The following DNAJC17 variants were observed in gnomAD, a reference collection of about 807,000 sequenced individuals.
DNAJC17 encodes the protein DnaJ heat shock protein family (Hsp40) member C17.
In DNAJC17, 35 loss-of-function variants were observed where a neutral mutation model predicts 48.1. The observed-to-expected ratio is 0.73, with a 90% CI of 0.56 to 0.96. DNAJC17 has a LOEUF of 0.96. DNAJC17 is among the 50% of genes least tolerant of loss of function. The probability of loss-of-function intolerance (pLI) is 0.00; values close to 1 mark genes in which losing one functional copy is unlikely to be tolerated. For missense variants in DNAJC17, 355 were observed against 377.1 expected (o/e 0.94, Z 0.48); for synonymous variants, 117 against 142.7 (o/e 0.82, Z 1.28).
At chr15:40,784,575 C>T (rs1490280345) in intron 1 of DNAJC17, among the ~76,000 whole-genome samples, 1 of 152,122 alleles carries the variant, frequency 6.6e-6, no homozygotes, top group African/African-American at 2.4e-5. Context: ...TACCCAAAAT[C>T]CATTCAATGA....
At chr15:40,774,481 G>T in intron 8 of DNAJC17, 45 bp from the exon 9 acceptor site, 2 of 1,606,426 alleles carry the variant, frequency 1.2e-6, no homozygotes, top group Non-Finnish European at 1.7e-6. Flanking sequence ...TGGCCTTCAG[G>T]ATGGCCCAGG....
chr15:40,771,555 G>A (rs1432921079), intron 10 of DNAJC17: 2 of 175,144 alleles, frequency 1.1e-5, no homozygotes, highest in African/African-American at 4.8e-5. Context: ...CAGGAAGAAA[G>A]GGGAGAAGGC....
At chr15:40,788,462 C>A (rs556920511) in intron 1 of DNAJC17, among the ~76,000 whole-genome samples, 55 of 152,182 alleles carry the variant, frequency 3.6e-4, no homozygotes, top group African/African-American at 1.3e-3. Flanking sequence ...TTTGGGAGGC[C>A]GAGGTGGGTG....
At chr15:40,794,247 G>A (rs1005555878) in intron 1 of DNAJC17, among the ~76,000 whole-genome samples, 7 of 152,122 alleles carry the variant, frequency 4.6e-5, no homozygotes, top group Admixed American at 2.0e-4. Context: ...CTACTCAGGA[G>A]GCTGAAGCAG....
intron 7 of DNAJC17, 56 bp from the exon 8 acceptor site, chr15:40,775,164 C>T (rs968354914): frequency 5.6e-5 from 89 of 1,579,808 alleles, no homozygotes; most frequent in Middle Eastern, 3.4e-4. Flanking sequence ...CCTCACCCCA[C>T]GACTGAGCTT....
chr15:40,775,707 G>C, intron 6 of DNAJC17, 111 bp from the exon 7 acceptor site: 1 of 1,081,234 alleles, frequency 9.2e-7, no homozygotes, highest in Middle Eastern at 2.3e-4. Flanking sequence ...TCCTGACCAA[G>C]GGCAATGCCT....
chr15:40,780,884 C>T (rs567976600), intron 1 of DNAJC17, among the ~76,000 whole-genome samples: 52 of 152,010 alleles, frequency 3.4e-4, no homozygotes, highest in Admixed American at 1.2e-3. Flanking sequence ...TGGTGGCTCA[C>T]GCCTGTAATC....
chr15:40,782,262 A>C (rs1023711169), intron 1 of DNAJC17, among the ~76,000 whole-genome samples: 6 of 151,746 alleles, frequency 4.0e-5, no homozygotes, highest in African/African-American at 9.7e-5. Flanking sequence ...AATTAAAATA[A>C]AATAAAAAAT....
chr15:40,776,203 C>T lies in DNAJC17; in HGVS notation c.471G>A (p.Arg157=), dbSNP rs779888515. The T allele has an allele frequency of 3.7e-6, 6 of 1,613,564 alleles. No individual in the cohort carries two copies. Among genetic ancestry groups the T allele is most frequent in the Non-Finnish European group, 5.1e-6 (6 of 1,180,004 alleles). ...GGGGTGATAGACCTGCACCTCTCAA[C>T]CTCTGGTCACGCTCCTGGCGTATCT... ...REQIRQERDQ[R]LRGKAENTEG... The change falls in exon 6 of 11, where the codon AGG becomes AGA. Residue 157 remains arginine, a synonymous_variant. Coordinates refer to ENST00000220496, the MANE Select transcript of DNAJC17 (RefSeq NM_018163.3).
chr15:40,783,482 C>A (rs867751242), intron 1 of DNAJC17, among the ~76,000 whole-genome samples: 1 of 152,196 alleles, frequency 6.6e-6, no homozygotes, highest in East Asian at 1.9e-4. Flanking sequence ...TCAAGATGAA[C>A]TTCCTCAGGA....
chr15:40,803,151 CA>C (rs59835838), intron 1 of DNAJC17, among the ~76,000 whole-genome samples: 2,784 of 138,832 alleles, frequency 0.02, 278 homozygotes, highest in Admixed American at 0.16. Flanking sequence ...AGAATAAATA[CA>C]AAAAAAAAAA....
chr15:40,774,468 AC>A, intron 8 of DNAJC17, 32 bp from the exon 9 acceptor site: 1 of 1,612,742 alleles, frequency 6.2e-7, no homozygotes, highest in Non-Finnish European at 8.5e-7. Context: ...AATAAGCATG[AC>A]TTGGCCTTCA....
intron 1 of DNAJC17, among the ~76,000 whole-genome samples, chr15:40,801,757 A>AG (rs1566831695): frequency 6.6e-6 from 1 of 151,056 alleles, no homozygotes; most frequent in African/African-American, 2.4e-5. Context: ...AAAAAAAAAA[A>AG]GAAAAGAAAA....
At position 40,766,347 on chromosome 15, in the gene DNAJC17, C is replaced by T; in HGVS notation, c.*1593G>A. The T allele has an allele frequency of 6.5e-6, 1 of 153,918 alleles. No homozygotes were observed. The highest frequency in any genetic ancestry group is 1.4e-5 in the Non-Finnish European group (1 of 69,388). 9.5% of individuals were successfully genotyped at this position (153,918 alleles called of 1,614,324 possible). ...CTGCGTCCTACCTCCAGGGTGGCTGCTGCCTGGGGACCTAGCCATTTCCCT... is the reference window on the plus strand; with the variant it reads ...CTGCGTCCTACCTCCAGGGTGGCTGTTGCCTGGGGACCTAGCCATTTCCCT... On this transcript the variant is annotated 3_prime_UTR_variant, in exon 11 of 11. Transcript: ENST00000220496.
intron 1 of DNAJC17, among the ~76,000 whole-genome samples, chr15:40,799,458 T>G (rs540812072): frequency 3.3e-5 from 5 of 152,202 alleles, no homozygotes; most frequent in South Asian, 4.1e-4. Flanking sequence ...ACTTTTGGCC[T>G]GCTAGGTTTG....
Position 40,765,988 on chromosome 15 carries a change from A to G in DNAJC17, c.*1952T>C. The G allele has an allele frequency of 2.7e-6, 2 of 742,190 alleles. No individual in the cohort carries two copies. Among genetic ancestry groups the G allele is most frequent in the Non-Finnish European group, 4.4e-6 (2 of 458,398 alleles). 46.0% of individuals were successfully genotyped at this position (742,190 alleles called of 1,614,324 possible). ...CTAGACCTGCCTCTGCTCCCTTTATACAACCTCCAAGCCCAGGGACAGGGC... is the reference window on the plus strand; with the variant it reads ...CTAGACCTGCCTCTGCTCCCTTTATGCAACCTCCAAGCCCAGGGACAGGGC... On this transcript the variant is annotated 3_prime_UTR_variant, in exon 11 of 11. Coordinates refer to ENST00000220496, the MANE Select transcript of DNAJC17 (RefSeq NM_018163.3).
At chr15:40,778,823 T>G (rs149921117) in intron 4 of DNAJC17, among the ~76,000 whole-genome samples, 2 of 152,142 alleles carry the variant, frequency 1.3e-5, no homozygotes, top group African/African-American at 4.8e-5. Context: ...GTAGTCCCAC[T>G]ATCGTGAGGC....
chr15:40,767,968 T>C lies in DNAJC17; in HGVS notation c.887A>G (p.Gln296Arg). The C allele has an allele frequency of 6.2e-7, 1 of 1,613,060 alleles. No homozygotes were observed. Among genetic ancestry groups the C allele is most frequent in the South Asian group, 1.1e-5 (1 of 91,042 alleles). ...ERQQLIARMQ[Q>R]EDQEGPPT ...CGTAGGCGGCCCCTCCTGGTCTTCC[T>C]GCTGCATCCGTGCGATCAGCTGTTG... is the stretch of plus-strand genomic sequence containing the variant. Residue 296 changes from glutamine (Q) to arginine (R), a missense_variant, in exon 11 of 11, where the codon CAG becomes CGG. Physicochemically the swap from Gln to Arg is conservative, Grantham distance 43 (BLOSUM62 1). Around this residue, in one of 3 missense-constraint regions of DNAJC17, gnomAD observed 88 missense variants for 67.7 expected, o/e 1.30. Transcript: ENST00000220496.
At chr15:40,771,863 G>C (rs1422757323) in intron 10 of DNAJC17, 2 of 167,076 alleles carry the variant, frequency 1.2e-5, no homozygotes, top group Admixed American at 1.3e-4. Context: ...TATAACTCAG[G>C]AAAAAGACCA....
Sources: gnomAD v4.1 joint callset for allele counts (sites outside exome capture counted in the v4.1 genomes callset) on GRCh38, gnomAD v4.1.1 for gene constraint, gnomAD v4.1.1 regional missense constraint, MANE v1.5 for transcripts, NCBI Gene and HGNC (gene_info 2026-07-23, HGNC 2026-07-21) for gene names.